Variants in CFLAR observed in about 807,000 individuals in gnomAD.
The protein encoded by CFLAR is CASP8 and FADD-like apoptosis regulator.
CFLAR carries 14 observed loss-of-function variants against 51.1 expected under a neutral mutation model. The observed-to-expected ratio is 0.27, with a 90% CI of 0.18 to 0.43. The LOEUF (loss-of-function observed/expected upper bound fraction) is 0.43. CFLAR is among the 20% of genes least tolerant of loss of function. The pLI, the probability that CFLAR is intolerant of heterozygous loss-of-function variation, is 1.00. For missense variants in CFLAR, 390 were observed against 566.5 expected, an observed-to-expected ratio of 0.69 and a Z score of 3.16; for synonymous variants, 210 against 211.6, an observed-to-expected ratio of 0.99 and a Z score of 0.06.
Position 201,166,653 on chromosome 2 carries a change from C to T in CFLAR, c.*2680C>T, listed in dbSNP as rs1025899098. 19 of 176,630 alleles carry T rather than the reference C, an allele frequency of 1.1e-4. No individual in the cohort carries two copies. Among genetic ancestry groups the T allele is most frequent in the Non-Finnish European group, 1.3e-4 (11 of 84,698 alleles). 10.9% of individuals were successfully genotyped at this position (176,630 alleles called of 1,614,324 possible). A position where few individuals can be genotyped will look rare whatever the true frequency, so the allele number is the denominator to read the frequency against. On this transcript the variant is annotated 3_prime_UTR_variant, in exon 10 of 10. Transcript: ENST00000309955. ...GAGGCCGTAGCCAGCTGAGATCACACCACTGCACTCCAGCCTGGGCAACAT... is the reference window on the plus strand; with the variant it reads ...GAGGCCGTAGCCAGCTGAGATCACATCACTGCACTCCAGCCTGGGCAACAT...
At chr2:201,148,943 G>A in intron 6 of CFLAR, 60 bp from the exon 7 acceptor site, 1 of 1,107,752 alleles carries the variant, frequency 9.0e-7, no homozygotes, top group East Asian at 2.3e-5. Context: ...CTCAGCCAGT[G>A]TAGGGGTGGA....
chr2:201,141,381 C>G, intron 5 of CFLAR: 3 of 1,558,334 alleles, frequency 1.9e-6, no homozygotes, highest in Non-Finnish European at 2.6e-6. Context: ...CAGATGATAA[C>G]ACCCTATGCC....
At chr2:201,130,353 CTTTTTT>C (rs771361555) in intron 2 of CFLAR, among the ~76,000 whole-genome samples, 28 of 92,270 alleles carry the variant, frequency 3.0e-4, no homozygotes, top group African/African-American at 1.1e-3. Flanking sequence ...TTCTTTCTTT[CTTTTTT>C]TTTTTTTTTT....
intron 4 of CFLAR, chr2:201,137,077 A>G: frequency 5.6e-6 from 1 of 178,518 alleles, no homozygotes; most frequent in Non-Finnish European, 1.2e-5. Flanking sequence ...GGAGCTCAGA[A>G]GTGCCACATG....
chr2:201,144,818 A>T (rs909714971), intron 5 of CFLAR, among the ~76,000 whole-genome samples: 2 of 152,078 alleles, frequency 1.3e-5, no homozygotes, highest in East Asian at 3.9e-4. Context: ...AAACATTCTA[A>T]TATGCTAGCT....
rs1264143743 is a variant in CFLAR at position 201,176,283 on chromosome 2, G to T, written c.*12310G>T. 9.4e-5 allele frequency: 12 copies of T among 127,564 alleles called. No individual in the cohort carries two copies. In the East Asian group the frequency reaches 1.1e-3, roughly 11 times the overall value. 7.9% of individuals were successfully genotyped at this position (127,564 alleles called of 1,614,324 possible). On this transcript the variant is annotated 3_prime_UTR_variant, in exon 10 of 10. Coordinates refer to ENST00000309955, the MANE Select transcript of CFLAR (RefSeq NM_003879.7). ...GTCTCAGGTGTTTTCTATTGCGGGG[G>T]GGGGGGGCGGGCGGGGGAGCTGCCT...
At chr2:201,151,401 C>G (rs1941259912) in intron 8 of CFLAR, 1 of 152,174 alleles carries the variant, frequency 6.6e-6, no homozygotes, top group Non-Finnish European at 1.5e-5. Context: ...TCAGAACTAT[C>G]TTTCAGGCTC....
intron 1 of CFLAR, among the ~76,000 whole-genome samples, chr2:201,121,152 G>A (rs1395285654): frequency 1.3e-5 from 2 of 152,112 alleles, no homozygotes; most frequent in African/African-American, 2.4e-5. Flanking sequence ...TCTTTTCTAA[G>A]CCATGGCTGG....
Position 201,149,039 on chromosome 2 carries a change from C to CT in CFLAR, c.704dup (p.Leu235PhefsTer7). 6.2e-7 allele frequency: 1 copy of CT among 1,609,922 alleles called. No individual in the cohort carries two copies. Among genetic ancestry groups the CT allele is most frequent in the Non-Finnish European group, 8.5e-7 (1 of 1,176,270 alleles). On this transcript the variant is annotated frameshift_variant, in exon 7 of 10. Coordinates refer to ENST00000309955, the MANE Select transcript of CFLAR (RefSeq NM_003879.7). LOFTEE classifies it high-confidence loss of function. Reference sequence around the variant, plus strand: ...AAGAAATCCATTCAGGAATCAGAAGCTTTTTTGCCTCAGGTACAGAATAAA... The same window carrying CT: ...AAGAAATCCATTCAGGAATCAGAAGCTTTTTTTGCCTCAGGTACAGAATAAA...
intron 8 of CFLAR, chr2:201,152,699 A>C (rs980655504): frequency 6.6e-6 from 1 of 152,226 alleles, no homozygotes; most frequent in South Asian, 2.1e-4. Context: ...ATAACTTGAG[A>C]GGGTTATCCA....
In CFLAR at chr2:201,169,845, A is replaced by AT. The variant is rs1227138174; in HGVS notation, c.*5873dup. 6.6e-6 allele frequency: 1 copy of AT among 151,656 alleles called. No homozygotes were observed. The highest frequency in any genetic ancestry group is 1.5e-5 in the Non-Finnish European group (1 of 68,034). 9.4% of individuals were successfully genotyped at this position (151,656 alleles called of 1,614,324 possible). A position where few individuals can be genotyped will look rare whatever the true frequency, so the allele number is the denominator to read the frequency against. Reference sequence around the variant, plus strand: ...AGACATTTATGTGGCCAACAAACATATAAAAAAAAGCTCAACCTTACTGAT... The same window carrying AT: ...AGACATTTATGTGGCCAACAAACATATTAAAAAAAAGCTCAACCTTACTGAT... On this transcript the variant is annotated 3_prime_UTR_variant, in exon 10 of 10. Coordinates refer to ENST00000309955, the MANE Select transcript of CFLAR (RefSeq NM_003879.7).
At chr2:201,161,042 G>A (rs1417925175) in intron 9 of CFLAR, 100 bp downstream of exon 9, 10 of 813,118 alleles carry the variant, frequency 1.2e-5, no homozygotes, top group South Asian at 3.3e-5. Context: ...CATCTCTTCC[G>A]GGAGGAAAAG....
chr2:201,173,435 CTGACCTCG>C lies in CFLAR; in HGVS notation c.*9466_*9473del, dbSNP rs1944112602. Reference sequence around the variant, plus strand: ...TGTTAGCCAGGATGGTCTCTATCTCCTGACCTCGTGATCCGCCTGCCTTGGCCTCCCAA... The same window carrying C: ...TGTTAGCCAGGATGGTCTCTATCTCCTGATCCGCCTGCCTTGGCCTCCCAA... On this transcript the variant is annotated 3_prime_UTR_variant, in exon 10 of 10. Coordinates refer to ENST00000309955, the MANE Select transcript of CFLAR (RefSeq NM_003879.7). 1.3e-5 allele frequency: 2 copies of C among 152,302 alleles called. No homozygotes were observed. Among genetic ancestry groups the C allele is most frequent in the Admixed American group, 6.5e-5 (1 of 15,284 alleles). The allele number at this position is 152,302 out of a possible 1,614,324, so 9.4% of individuals were successfully genotyped here. A position where few individuals can be genotyped will look rare whatever the true frequency, so the allele number is the denominator to read the frequency against.
intron 1 of CFLAR, among the ~76,000 whole-genome samples, chr2:201,120,290 A>ATTCTCCTGTGAAAATTGC (rs2048073408): frequency 6.6e-6 from 1 of 151,320 alleles, no homozygotes; most frequent in Admixed American, 6.6e-5. Context: ...GGTTCAAGTG[A>ATTCTCCTGTGAAAATTGC]TTCTCCTGTG....
intron 8 of CFLAR, among the ~76,000 whole-genome samples, chr2:201,150,836 CAGG>C (rs1204179508): frequency 6.6e-6 from 1 of 152,156 alleles, no homozygotes; most frequent in African/African-American, 2.4e-5. Context: ...CGCTGTGTGT[CAGG>C]AGGAAATGAA....
At chr2:201,148,428 T>C (rs2125842676) in intron 6 of CFLAR, 1 of 152,342 alleles carries the variant, frequency 6.6e-6, no homozygotes, top group South Asian at 2.1e-4. Flanking sequence ...ATCAAGTCAT[T>C]TTTTTCTAGC....
intron 8 of CFLAR, among the ~76,000 whole-genome samples, chr2:201,155,943 G>GA (rs201998434): frequency 0.027 from 4,121 of 152,222 alleles, 93 homozygotes; most frequent in Middle Eastern, 0.082. Flanking sequence ...TTTTTATAGA[G>GA]ACAGGGTCTT....
chr2:201,137,867 G>T, intron 4 of CFLAR: 1 of 834,398 alleles, frequency 1.2e-6, no homozygotes, highest in Non-Finnish European at 2.1e-6. Context: ...AGAAGCACTC[G>T]CCGGGGGCCT....
In CFLAR at chr2:201,164,169, G is replaced by A. The variant is rs1055834064; in HGVS notation, c.*196G>A. On this transcript the variant is annotated 3_prime_UTR_variant, in exon 10 of 10. Transcript: ENST00000309955. ...ATTCCCAGTTACTTGGGAGGCTGAGGTGGGAGGATCTTTTGAACCCAGGAG... is the reference window on the plus strand; with the variant it reads ...ATTCCCAGTTACTTGGGAGGCTGAGATGGGAGGATCTTTTGAACCCAGGAG... 7 of 434,508 alleles carry A rather than the reference G, an allele frequency of 1.6e-5. No individual in the cohort carries two copies. The highest frequency in any genetic ancestry group is 1.2e-4 in the African/African-American group (6 of 50,008). The allele number at this position is 434,508 out of a possible 1,614,324, so 26.9% of individuals were successfully genotyped here.
Sources: allele counts gnomAD v4.1 joint callset (sites outside exome capture counted in the v4.1 genomes callset), GRCh38; gene constraint gnomAD v4.1.1; transcripts MANE v1.5; gene names NCBI Gene and HGNC (gene_info 2026-07-23, HGNC 2026-07-21).